Variants in ALDH1A1 observed in about 807,000 individuals in gnomAD.
ALDH1A1 encodes aldehyde dehydrogenase 1 family member A1.
ALDH1A1 carries 19 observed loss-of-function variants against 62.1 expected under a neutral mutation model. That is an observed-to-expected ratio of 0.31 (90% CI 0.21 to 0.45). The LOEUF (loss-of-function observed/expected upper bound fraction) is 0.45. Among genes scored for constraint, ALDH1A1 ranks in the 20% least tolerant of loss-of-function variants. ALDH1A1 has a pLI of 1.00. For missense variants in ALDH1A1, 521 were observed against 607.1 expected, an observed-to-expected ratio of 0.86 and a Z score of 1.49; for synonymous variants, 231 against 215.9, an observed-to-expected ratio of 1.07 and a Z score of -0.61.
chr9:72,911,873 T>A (rs1829994475), intron 10 of ALDH1A1, 85 bp downstream of exon 10: 1 of 1,460,392 alleles, frequency 6.8e-7, no homozygotes, highest in Non-Finnish European at 9.6e-7. Context: ...TCCAAAGAGC[T>A]GGGAATTTTA....
chr9:72,901,047 T>C lies in ALDH1A1; in HGVS notation c.*161A>G, dbSNP rs1829796481. On this transcript the variant is annotated 3_prime_UTR_variant, in exon 13 of 13. Coordinates refer to ENST00000297785, the MANE Select transcript of ALDH1A1 (RefSeq NM_000689.5). ...GGCAAATAATTCTTTCAGAAGAAGC[T>C]ACATGTCAAGTTTTCTATGGGTAGT... is the stretch of plus-strand genomic sequence containing the variant. 1 of 483,434 alleles carries C rather than the reference T, an allele frequency of 2.1e-6. No individual in the cohort carries two copies. The highest frequency in any genetic ancestry group is 3.3e-5 in the Admixed American group (1 of 30,028). 29.9% of individuals were successfully genotyped at this position (483,434 alleles called of 1,614,324 possible). A position where few individuals can be genotyped will look rare whatever the true frequency, so the allele number is the denominator to read the frequency against.
chr9:72,927,911 G>C (rs888686134), intron 4 of ALDH1A1, among the ~76,000 whole-genome samples: 10 of 151,486 alleles, frequency 6.6e-5, no homozygotes, highest in Non-Finnish European at 1.0e-4. Context: ...TGGTCATCCA[G>C]AGAGATACAT....
intron 9 of ALDH1A1, among the ~76,000 whole-genome samples, chr9:72,913,949 C>A (rs1830025138): frequency 6.6e-6 from 1 of 152,208 alleles, no homozygotes; most frequent in South Asian, 2.1e-4. Context: ...TGATTCACCA[C>A]AAATACAGAC....
rs1449876164 is a variant in ALDH1A1, at chr9:72,925,180, G to A, written c.633+304C>T. Reference sequence around the variant, plus strand: ...CAACTTAATGTTTCAACATTTGAAAGAATGCTACATTAATTTCAACATGAA... The same window carrying A: ...CAACTTAATGTTTCAACATTTGAAAAAATGCTACATTAATTTCAACATGAA... On this transcript the variant is annotated intron_variant, in intron 6 of 12. Transcript: ENST00000297785. Among the ~76,000 whole-genome samples, 4 of 152,182 alleles carry A rather than the reference G, an allele frequency of 2.6e-5. No homozygotes were observed. The East Asian group carries it at 7.7e-4, about 29-fold the overall frequency.
chr9:72,907,702 G>T (rs1256687721), intron 11 of ALDH1A1, among the ~76,000 whole-genome samples: 1 of 152,194 alleles, frequency 6.6e-6, no homozygotes, highest in Admixed American at 6.5e-5. Flanking sequence ...GTAAAGTGGG[G>T]ATGATAATAT....
At chr9:72,928,519 G>T (rs1051861421) in intron 4 of ALDH1A1, among the ~76,000 whole-genome samples, 3 of 152,138 alleles carry the variant, frequency 2.0e-5, no homozygotes, top group African/African-American at 7.2e-5. Context: ...TTACATTACA[G>T]AAAGGATATA....
chr9:72,908,629 G>T (rs964030485), intron 11 of ALDH1A1, among the ~76,000 whole-genome samples: 6 of 146,800 alleles, frequency 4.1e-5, no homozygotes, highest in African/African-American at 1.3e-4. Flanking sequence ...GAAAGAAAGA[G>T]AATATTGCAT....
At chr9:72,912,803 C>A (rs972025655) in intron 9 of ALDH1A1, among the ~76,000 whole-genome samples, 6 of 152,138 alleles carry the variant, frequency 3.9e-5, no homozygotes, top group African/African-American at 1.4e-4. Flanking sequence ...GAACTTAAAT[C>A]GTCTTTATTT....
At chr9:72,936,962 T>C (rs8187903) in intron 2 of ALDH1A1, among the ~76,000 whole-genome samples, 1,769 of 152,220 alleles carry the variant, frequency 0.012, 32 homozygotes, top group African/African-American at 0.039. Context: ...ATGAAAATTT[T>C]CAGGTCCCAT....
At chr9:72,902,507 T>C (rs1427412876) in intron 12 of ALDH1A1, among the ~76,000 whole-genome samples, 1 of 152,064 alleles carries the variant, frequency 6.6e-6, no homozygotes. Context: ...GTGAGCATGG[T>C]CCTTAAAGTA....
intron 11 of ALDH1A1, among the ~76,000 whole-genome samples, chr9:72,907,885 C>T (rs959893778): frequency 5.3e-5 from 8 of 152,034 alleles, no homozygotes; most frequent in African/African-American, 1.5e-4. Flanking sequence ...CTAGCTATAC[C>T]GACTATTCAA....
Position 72,918,747 on chromosome 9 carries a change from G to A in ALDH1A1, c.823C>T (p.Pro275Ser). 2 of 1,612,828 alleles carry A rather than the reference G, an allele frequency of 1.2e-6. No individual in the cohort carries two copies. The highest frequency in any genetic ancestry group is 1.7e-6 in the Non-Finnish European group (2 of 1,179,722). The change falls in exon 8 of 13, where the codon CCT (proline) becomes TCT (serine). Residue 275 changes from proline (P) to serine (S), a missense_variant. Physicochemically the swap from Pro to Ser is moderately conservative, Grantham distance 74. Transcript: ENST00000297785. ...TCGGCATCAGCTAACACAATGCAAGGGCTCTTTCCTCCAAGCTCCAGGGTC... is the reference window on the plus strand; with the variant it reads ...TCGGCATCAGCTAACACAATGCAAGAGCTCTTTCCTCCAAGCTCCAGGGTC... ...RVTLELGGKS[P>S]CIVLADADLD... is the part of the protein sequence containing the mutation.
At chr9:72,920,942 A>G (rs1383403987) in intron 7 of ALDH1A1, among the ~76,000 whole-genome samples, 3 of 152,228 alleles carry the variant, frequency 2.0e-5, no homozygotes, top group Non-Finnish European at 1.5e-5. Context: ...ATGTGGGTAG[A>G]GTTCTATTTT....
rs763683870 is a variant in ALDH1A1, at chr9:72,925,505, G to A, written c.612C>T (p.His204=). Residue 204 remains histidine, a synonymous_variant, in exon 6 of 13, where the codon CAC becomes CAT. Transcript: ENST00000297785. ...PAEQTPLTAL[H]VASLIKEAGF... ...TTACCTCTTTTATTAAAGATGCCAC[G>A]TGGAGAGCAGTGAGAGGAGTTTGCT... 19 of 1,613,778 alleles carry A rather than the reference G, an allele frequency of 1.2e-5. No individual in the cohort carries two copies. In the South Asian group the frequency reaches 1.6e-4, roughly 14 times the overall value.
At chr9:72,947,232 G>A (rs1482117132) in intron 1 of ALDH1A1, among the ~76,000 whole-genome samples, 1 of 151,928 alleles carries the variant, frequency 6.6e-6, no homozygotes, top group African/African-American at 2.4e-5. Context: ...CTGGTTTGTA[G>A]CCATCATCAT....
chr9:72,933,937 C>T (rs183989153), intron 2 of ALDH1A1, among the ~76,000 whole-genome samples: 9 of 152,208 alleles, frequency 5.9e-5, no homozygotes, highest in Non-Finnish European at 1.2e-4. Context: ...GCTGGGACTA[C>T]AGGAGTGCAT....
At position 72,917,040 on chromosome 9, in the gene ALDH1A1, G is replaced by T; in HGVS notation, c.915C>A (p.Ala305=). 2 of 1,613,744 alleles carry T rather than the reference G, an allele frequency of 1.2e-6. No homozygotes were observed. The highest frequency in any genetic ancestry group is 8.5e-7 in the Non-Finnish European group (1 of 1,179,822). ...ATTCTTCCACAAAAATCCTGGATGC[G>T]GCTATACAACACTGGCCCTGGTGGT... ...VFYHQGQCCI[A]ASRIFVEESI... Residue 305 remains alanine (A), a synonymous_variant, in exon 9 of 13, where the codon GCC becomes GCA. Transcript: ENST00000297785.
intron 9 of ALDH1A1, 38 bp from the exon 10 acceptor site, chr9:72,912,160 T>A (rs750590480): frequency 1.3e-6 from 2 of 1,578,646 alleles, no homozygotes; most frequent in Non-Finnish European, 8.7e-7. Context: ...AAAAAAGTAG[T>A]CACTTGTAAA....
At chr9:72,914,614 A>C (rs1177094509) in intron 9 of ALDH1A1, among the ~76,000 whole-genome samples, 2 of 152,120 alleles carry the variant, frequency 1.3e-5, no homozygotes, top group African/African-American at 2.4e-5. Flanking sequence ...TTCAAATGAA[A>C]ATACTAATTT....
Sources: allele counts gnomAD v4.1 joint callset (sites outside exome capture counted in the v4.1 genomes callset), GRCh38; gene constraint gnomAD v4.1.1; transcripts MANE v1.5; gene names NCBI Gene and HGNC (gene_info 2026-07-23, HGNC 2026-07-21).